The following AFDN variants were observed in gnomAD, a reference collection of about 807,000 sequenced individuals.
AFDN encodes the protein afadin, adherens junction formation factor.
AFDN carries 68 observed loss-of-function variants against 216.6 expected under a neutral mutation model. That is an observed-to-expected ratio of 0.31 (90% CI 0.26 to 0.38). The LOEUF is 0.38. Ranked by LOEUF, AFDN falls within the 10% of genes least tolerant of loss-of-function variation. The probability of loss-of-function intolerance (pLI) is 1.00; values close to 1 mark genes in which losing one functional copy is unlikely to be tolerated. For synonymous variants in AFDN, 868 were observed against 853.7 expected (o/e 1.02, Z -0.29); for missense variants, 2,136 against 2,342.0 (o/e 0.91, Z 1.82).
Position 167,948,343 on chromosome 6 carries a change from G to A in AFDN, c.3696G>A (p.Thr1232=), listed in dbSNP as rs375402962. 2.7e-5 allele frequency: 44 copies of A among 1,613,932 alleles called. No homozygotes were observed. In the East Asian group the frequency reaches 4.2e-4, roughly 16 times the overall value. The change falls in exon 29 of 34, where the codon ACG becomes ACA. Residue 1232 remains threonine (T), a synonymous_variant. Coordinates refer to ENST00000683244, the MANE Select transcript of AFDN (RefSeq NM_001386888.1). ...AAGCCTACCCCATCCCCACTCAGAC[G>A]TACACCAGAGAGTATTTTACCTTCC... ...RPEAYPIPTQ[T]YTREYFTFPA... is the part of the protein sequence containing the mutation.
At chr6:167,895,881 C>G (rs2128369699) in intron 9 of AFDN, among the ~76,000 whole-genome samples, 1 of 152,276 alleles carries the variant, frequency 6.6e-6, no homozygotes, top group East Asian at 1.9e-4. Context: ...TTGGCCTTTT[C>G]CTAAGCTTTG....
At chr6:167,954,781 A>G (rs889683426) in intron 30 of AFDN, among the ~76,000 whole-genome samples, 1 of 152,236 alleles carries the variant, frequency 6.6e-6, no homozygotes, top group African/African-American at 2.4e-5. Context: ...TCATAAATAC[A>G]TGAGCAAATG....
Position 167,946,824 on chromosome 6 carries a change from G to T in AFDN, c.3476G>T (p.Ser1159Ile), listed in dbSNP as rs1319779863. 4 of 1,612,830 alleles carry T rather than the reference G, an allele frequency of 2.5e-6. No homozygotes were observed. Among genetic ancestry groups the T allele is most frequent in the Non-Finnish European group, 3.4e-6 (4 of 1,179,768 alleles). Residue 1159 changes from serine (S) to isoleucine (I), a missense_variant, in exon 27 of 34, where the codon AGT becomes ATT. Physicochemically the swap from Ser to Ile is moderately radical, Grantham distance 142. Coordinates refer to ENST00000683244, the MANE Select transcript of AFDN (RefSeq NM_001386888.1). ...ESPQLPWAEY[S>I]EPKKLPGDDR... ...CCTCAGCTGCCTTGGGCAGAATATA[G>T]TGAACCAAAGAAATTGCCTGGTGAT... is the stretch of plus-strand genomic sequence containing the variant.
At chr6:167,939,497 C>A (rs1057466788) in intron 23 of AFDN, among the ~76,000 whole-genome samples, 1 of 152,200 alleles carries the variant, frequency 6.6e-6, no homozygotes, top group African/African-American at 2.4e-5. Context: ...AGCGCTCCAA[C>A]TAAAATTATT....
At chr6:167,908,979 A>T (rs577535967) in intron 13 of AFDN, among the ~76,000 whole-genome samples, 1 of 152,268 alleles carries the variant, frequency 6.6e-6, no homozygotes, top group African/African-American at 2.4e-5. Context: ...ACGACTTTTA[A>T]TTGTCACTAA....
intron 30 of AFDN, among the ~76,000 whole-genome samples, chr6:167,958,063 T>C (rs550447544): frequency 6.6e-6 from 1 of 152,318 alleles, no homozygotes; most frequent in South Asian, 2.1e-4. Context: ...CAAAACTCTT[T>C]GAGCACCGAC....
intron 1 of AFDN, among the ~76,000 whole-genome samples, chr6:167,842,014 G>C (rs183108365): frequency 1.0e-3 from 156 of 151,372 alleles, no homozygotes; most frequent in Non-Finnish European, 8.4e-4. Context: ...AAAAAACTTT[G>C]CTAAAGTTTT....
At chr6:167,928,834 GCTGTATGTC>G (rs1792905651) in intron 23 of AFDN, among the ~76,000 whole-genome samples, 1 of 152,260 alleles carries the variant, frequency 6.6e-6, no homozygotes, top group Admixed American at 6.5e-5. Flanking sequence ...CCCCTGAGCT[GCTGTATGTC>G]CTCTTTGCAT....
At chr6:167,948,587 T>C (rs1795610514) in intron 29 of AFDN, 109 bp downstream of exon 29, 1 of 1,060,516 alleles carries the variant, frequency 9.4e-7, no homozygotes, top group South Asian at 2.1e-5. Context: ...GCCTTTTGTT[T>C]TTCCTTTAAT....
chr6:167,903,401 T>C lies in AFDN; in HGVS notation c.1650+1015T>C, dbSNP rs186157529. 4.9e-3 allele frequency among the ~76,000 whole-genome samples: 743 copies of C among 152,288 alleles called. 13 individuals carry two copies. The highest frequency in any genetic ancestry group is 0.036 in the East Asian group (189 of 5,184). On this transcript the variant is annotated intron_variant, in intron 12 of 33. Coordinates refer to ENST00000683244, the MANE Select transcript of AFDN (RefSeq NM_001386888.1). ...TCTCTCCATGGGACCTTTAGCCCCA[T>C]TGGGGCAGCCAGAAGTCGTAGTGTT...
intron 12 of AFDN, 50 bp downstream of exon 12, chr6:167,902,436 A>G: frequency 7.5e-7 from 1 of 1,334,670 alleles, no homozygotes; most frequent in Non-Finnish European, 1.1e-6. Flanking sequence ...ATAGGACACC[A>G]TGGATGAATA....
chr6:167,863,340 A>G (rs1022501136), intron 1 of AFDN, among the ~76,000 whole-genome samples: 2 of 152,254 alleles, frequency 1.3e-5, no homozygotes, highest in Admixed American at 6.5e-5. Context: ...TTTTCTTCAA[A>G]TAAGTACTTC....
chr6:167,863,816 C>T (rs767717291), intron 1 of AFDN: 5 of 518,408 alleles, frequency 9.6e-6, no homozygotes, highest in Non-Finnish European at 1.9e-5. Context: ...GATTTTGAGA[C>T]AAATCTAAAA....
chr6:167,835,631 A>AC (rs1780341131), intron 1 of AFDN, among the ~76,000 whole-genome samples: 2 of 152,238 alleles, frequency 1.3e-5, no homozygotes, highest in African/African-American at 4.8e-5. Flanking sequence ...AGTAAAAAAT[A>AC]CGTTTTGTAT....
chr6:167,862,854 C>T (rs1268762875), intron 1 of AFDN, among the ~76,000 whole-genome samples: 1 of 152,196 alleles, frequency 6.6e-6, no homozygotes, highest in Non-Finnish European at 1.5e-5. Flanking sequence ...TAAGCTTTCT[C>T]AGGTCTCGCA....
Position 167,911,379 on chromosome 6 carries a change from C to A in AFDN, c.1927C>A (p.Arg643=), listed in dbSNP as rs1790369903. ...SPTYVLYMAC[R]YVLSNQYRPD... is the part of the protein sequence containing the mutation. The stretch of plus-strand genomic sequence containing the variant: ...TACATATGTATTATATATGGCATGC[C>A]GGTATGTATTGTCCAACCAGTACAG... Residue 643 remains arginine, a synonymous_variant, in exon 15 of 34, where the codon CGG becomes AGG. Coordinates refer to ENST00000683244, the MANE Select transcript of AFDN (RefSeq NM_001386888.1). 1 of 1,613,946 alleles carries A rather than the reference C, an allele frequency of 6.2e-7. No individual in the cohort carries two copies. Among genetic ancestry groups the A allele is most frequent in the East Asian group, 2.2e-5 (1 of 44,886 alleles).
At chr6:167,922,378 T>A (rs1791938600) in intron 21 of AFDN, among the ~76,000 whole-genome samples, 1 of 152,164 alleles carries the variant, frequency 6.6e-6, no homozygotes, top group South Asian at 2.1e-4. Context: ...CTCCTAGAAT[T>A]GTTATACAAG....
At chr6:167,830,318 C>T (rs1484462312) in intron 1 of AFDN, among the ~76,000 whole-genome samples, 1 of 152,114 alleles carries the variant, frequency 6.6e-6, no homozygotes, top group Non-Finnish European at 1.5e-5. Context: ...TGTCTGTCTC[C>T]CTCTTATTAC....
chr6:167,942,066 TTTTGGTTTGG>T (rs57273828), intron 23 of AFDN, among the ~76,000 whole-genome samples: 1,576 of 151,892 alleles, frequency 0.01, 24 homozygotes, highest in African/African-American at 0.034. Context: ...AGGCGTTTTG[TTTTGGTTTGG>T]TTTGGTTTGG....
Sources: gnomAD v4.1 joint callset for allele counts (sites outside exome capture counted in the v4.1 genomes callset) on GRCh38, gnomAD v4.1.1 for gene constraint, MANE v1.5 for transcripts, NCBI Gene and HGNC (gene_info 2026-07-23, HGNC 2026-07-21) for gene names.